Variants in DCC observed in about 807,000 individuals in gnomAD.
DCC encodes DCC netrin 1 receptor.
A neutral mutation model predicts 172.5 loss-of-function variants in DCC; 58 were observed. That is an observed-to-expected ratio of 0.34 (90% CI 0.27 to 0.42). The LOEUF is 0.42. Ranked by LOEUF, DCC falls within the 10% of genes least tolerant of loss-of-function variation. The pLI, the probability that DCC is intolerant of heterozygous loss-of-function variation, is 1.00. For missense variants in DCC, 1,740 were observed against 1,791.0 expected (o/e 0.97, Z 0.51); for synonymous variants, 709 against 644.5 (o/e 1.10, Z -1.52).
At chr18:53,416,324 G>T (rs760593489) in intron 21 of DCC, 168 bp downstream of exon 21, 1 of 708,058 alleles carries the variant, frequency 1.4e-6, no homozygotes, top group South Asian at 1.5e-5. Context: ...CTGAGGCTGC[G>T]GCTCTGATAA....
chr18:52,822,396 C>T (rs921317878), intron 2 of DCC, among the ~76,000 whole-genome samples: 1 of 152,328 alleles, frequency 6.6e-6, no homozygotes, highest in Admixed American at 6.5e-5. Context: ...AATAATCCAC[C>T]TAGTTTCAGG....
chr18:53,099,018 A>G (rs1290764245), intron 7 of DCC, among the ~76,000 whole-genome samples: 1 of 152,012 alleles, frequency 6.6e-6, no homozygotes, highest in Non-Finnish European at 1.5e-5. Flanking sequence ...CAATAATAAT[A>G]ATAATAGTAA....
At chr18:53,528,400 A>T (rs1322425479) in intron 28 of DCC, among the ~76,000 whole-genome samples, 1 of 152,096 alleles carries the variant, frequency 6.6e-6, no homozygotes, top group Non-Finnish European at 1.5e-5. Context: ...GTTTATGTCA[A>T]TATCTGTTTA....
At chr18:53,396,707 G>A (rs918807716) in intron 17 of DCC, among the ~76,000 whole-genome samples, 1 of 152,180 alleles carries the variant, frequency 6.6e-6, no homozygotes, top group Non-Finnish European at 1.5e-5. Context: ...GGCTTTTTGA[G>A]ATACATGATG....
chr18:53,254,826 T>C (rs1300643918), intron 12 of DCC, among the ~76,000 whole-genome samples: 6 of 152,122 alleles, frequency 3.9e-5, no homozygotes, highest in African/African-American at 1.2e-4. Context: ...AGATTATTAA[T>C]GCTGTGCATC....
At chr18:53,156,553 G>GT (rs2054738008) in intron 7 of DCC, among the ~76,000 whole-genome samples, 1 of 150,994 alleles carries the variant, frequency 6.6e-6, no homozygotes. Flanking sequence ...TTTATAGTAT[G>GT]TGATTTTTCT....
intron 12 of DCC, among the ~76,000 whole-genome samples, chr18:53,273,235 C>T: frequency 6.6e-6 from 1 of 152,122 alleles, no homozygotes; most frequent in Admixed American, 6.6e-5. Context: ...GAATAATAAT[C>T]TTATGATTTT....
At chr18:52,396,281 A>ACCCCCCCCC (rs34363129) in intron 1 of DCC, among the ~76,000 whole-genome samples, 7 of 114,372 alleles carry the variant, frequency 6.1e-5, no homozygotes, top group Admixed American at 1.0e-4. Context: ...CCTGCACCAC[A>ACCCCCCCCC]CCCCCCCCCC....
intron 14 of DCC, among the ~76,000 whole-genome samples, chr18:53,338,265 C>A (rs1847004934): frequency 6.6e-6 from 1 of 152,148 alleles, no homozygotes; most frequent in Admixed American, 6.5e-5. Flanking sequence ...CTGAACATTA[C>A]AGGCACCTAG....
intron 12 of DCC, among the ~76,000 whole-genome samples, chr18:53,233,456 C>T (rs1199387415): frequency 6.6e-6 from 1 of 152,106 alleles, no homozygotes; most frequent in Admixed American, 6.5e-5. Flanking sequence ...CACTTTTTCC[C>T]TAGAATATTT....
chr18:53,331,187 G>A (rs772259857), intron 14 of DCC, among the ~76,000 whole-genome samples: 5 of 152,164 alleles, frequency 3.3e-5, no homozygotes, highest in Non-Finnish European at 7.4e-5. Context: ...AGACAGCTTG[G>A]CATAAGATTT....
At chr18:53,227,249 C>A (rs1434559356) in intron 12 of DCC, among the ~76,000 whole-genome samples, 1 of 151,806 alleles carries the variant, frequency 6.6e-6, no homozygotes, top group Non-Finnish European at 1.5e-5. Flanking sequence ...TCTGGCCAAT[C>A]TGAGTATATT....
At chr18:52,362,909 C>A (rs1255012280) in intron 1 of DCC, among the ~76,000 whole-genome samples, 1 of 152,010 alleles carries the variant, frequency 6.6e-6, no homozygotes, top group East Asian at 1.9e-4. Context: ...TCTTTCCTTT[C>A]TTTCTTTATG....
intron 1 of DCC, among the ~76,000 whole-genome samples, chr18:52,374,493 A>G (rs771952434): frequency 1.3e-5 from 2 of 152,016 alleles, no homozygotes; most frequent in Non-Finnish European, 2.9e-5. Flanking sequence ...GAATATATAC[A>G]GCTATAAATG....
intron 2 of DCC, among the ~76,000 whole-genome samples, chr18:52,834,719 AAAG>A (rs1189007393): frequency 3.9e-5 from 6 of 152,214 alleles, no homozygotes; most frequent in Admixed American, 1.3e-4. Context: ...AAAAATTAGA[AAAG>A]AAATATGTTT....
At chr18:52,690,667 G>T (rs2035916990) in intron 1 of DCC, among the ~76,000 whole-genome samples, 1 of 152,114 alleles carries the variant, frequency 6.6e-6, no homozygotes, top group African/African-American at 2.4e-5. Context: ...GGAATCTAAG[G>T]TTCAGAGAGA....
chr18:53,184,290 A>C (rs1490069688), intron 9 of DCC, among the ~76,000 whole-genome samples: 1 of 152,262 alleles, frequency 6.6e-6, no homozygotes, highest in South Asian at 2.1e-4. Context: ...AAAGTGCTAC[A>C]TTATCCCGTA....
At chr18:52,447,752 A>G (rs1988169707) in intron 1 of DCC, among the ~76,000 whole-genome samples, 1 of 152,120 alleles carries the variant, frequency 6.6e-6, no homozygotes, top group Admixed American at 6.6e-5. Context: ...ACCTCACACA[A>G]CCAGAGCAGC....
At chr18:52,391,889 A>G (rs1986043119) in intron 1 of DCC, among the ~76,000 whole-genome samples, 1 of 152,156 alleles carries the variant, frequency 6.6e-6, no homozygotes, top group Non-Finnish European at 1.5e-5. Context: ...TTACAGTTGC[A>G]TGGCTGGGAG....
Sources: gnomAD v4.1 joint callset for allele counts (sites outside exome capture counted in the v4.1 genomes callset) on GRCh38, gnomAD v4.1.1 for gene constraint, MANE v1.5 for transcripts, NCBI Gene and HGNC (gene_info 2026-07-23, HGNC 2026-07-21) for gene names.